Variants in UVRAG observed in about 807,000 individuals in gnomAD.
UVRAG encodes UV radiation resistance-associated gene protein.
Under a neutral mutation model 78.0 loss-of-function variants are expected in UVRAG, and 19 were observed. The ratio of observed to expected loss-of-function variants is 0.24; its 90% CI spans 0.17 to 0.36. UVRAG has a LOEUF of 0.36. Ranked by LOEUF, UVRAG falls within the 10% of genes least tolerant of loss-of-function variation. UVRAG has a pLI of 1.00. For missense variants in UVRAG, 740 were observed against 853.8 expected (o/e 0.87, Z 1.66); for synonymous variants, 323 against 324.6 (o/e 1.00, Z 0.05).
At chr11:76,110,369 A>G (rs897604079) in intron 13 of UVRAG, among the ~76,000 whole-genome samples, 2 of 152,152 alleles carry the variant, frequency 1.3e-5, no homozygotes, top group African/African-American at 4.8e-5. Flanking sequence ...TTTTACAAGT[A>G]AGGAAATGGA....
At chr11:75,858,314 T>C (rs1412890186) in intron 2 of UVRAG, among the ~76,000 whole-genome samples, 1 of 152,188 alleles carries the variant, frequency 6.6e-6, no homozygotes, top group African/African-American at 2.4e-5. Flanking sequence ...CAAGTACAAA[T>C]ACAAATATTC....
Position 76,136,635 on chromosome 11 carries a change from C to CCACCA in UVRAG, c.1398-4076_1398-4075insCACCA, listed in dbSNP as rs1182753540. ...CCACCTCAGCCCACAGTTGCTGGGA[C>CCACCA]TACAAGCGCTCACCACCATACCCAG... is the stretch of plus-strand genomic sequence containing the variant. On this transcript the variant is annotated intron_variant, in intron 14 of 14. Coordinates refer to ENST00000356136, the MANE Select transcript of UVRAG (RefSeq NM_003369.4). 4.1e-3 allele frequency among the ~76,000 whole-genome samples: 628 copies of CCACCA among 151,708 alleles called. 3 individuals carry two copies. Among genetic ancestry groups the CCACCA allele is most frequent in the African/African-American group, 0.014 (598 of 41,380 alleles).
At chr11:76,017,399 A>G (rs925311514) in intron 12 of UVRAG, among the ~76,000 whole-genome samples, 9 of 152,182 alleles carry the variant, frequency 5.9e-5, no homozygotes, top group Non-Finnish European at 1.2e-4. Context: ...GAATTGGAAG[A>G]TAGGTCAGCA....
chr11:76,076,313 A>G lies in UVRAG; in HGVS notation c.1305+10525A>G, dbSNP rs748943763. On this transcript the variant is annotated intron_variant, in intron 13 of 14. Transcript: ENST00000356136. ...AGAGGCTTAATGGACTCACAGATCC[A>G]CATGACTAGGGAGGCCTCACGATCA... Among the ~76,000 whole-genome samples the G allele has an allele frequency of 3.5e-4, 53 of 152,238 alleles. 1 individual carries two copies. Among genetic ancestry groups the G allele is most frequent in the Non-Finnish European group, 2.5e-4 (17 of 68,036 alleles).
intron 12 of UVRAG, among the ~76,000 whole-genome samples, chr11:76,031,139 GGCC>G (rs1950430869): frequency 6.6e-6 from 1 of 152,142 alleles, no homozygotes; most frequent in African/African-American, 2.4e-5. Context: ...TGGATGCTCT[GGCC>G]AGGACAATCA....
chr11:76,096,614 G>A (rs966666984), intron 13 of UVRAG, among the ~76,000 whole-genome samples: 2 of 152,176 alleles, frequency 1.3e-5, no homozygotes, highest in African/African-American at 4.8e-5. Context: ...CAAGGATGCT[G>A]TAGAAAAGGA....
At chr11:75,974,391 G>T (rs1197461858) in intron 7 of UVRAG, among the ~76,000 whole-genome samples, 1 of 118,186 alleles carries the variant, frequency 8.5e-6, no homozygotes, top group African/African-American at 3.4e-5. Flanking sequence ...ACGGAGTCTC[G>T]CTCTGTCGCC....
chr11:75,908,712 CTTTTTTTTTTTTTTT>C (rs1024795820), intron 5 of UVRAG, among the ~76,000 whole-genome samples: 1 of 45,444 alleles, frequency 2.2e-5, no homozygotes, highest in Non-Finnish European at 4.5e-5. Context: ...TGGTTCTGGG[CTTTTTTTTTTTTTTT>C]TTTTTTTTTT....
intron 13 of UVRAG, among the ~76,000 whole-genome samples, chr11:76,105,162 G>C (rs962761463): frequency 5.3e-5 from 8 of 152,174 alleles, no homozygotes; most frequent in Non-Finnish European, 1.2e-4. Flanking sequence ...CTGTGGGAGG[G>C]CCAGTAGAGA....
chr11:75,831,507 A>AAACAAACAAAC (rs59160547), intron 1 of UVRAG, among the ~76,000 whole-genome samples: 15 of 150,070 alleles, frequency 1.0e-4, no homozygotes, highest in African/African-American at 2.3e-4. Flanking sequence ...AACAAACAAA[A>AAACAAACAAAC]AAAAAAAACA....
intron 6 of UVRAG, chr11:75,914,159 C>G (rs1406056338): frequency 2.0e-5 from 3 of 152,172 alleles, no homozygotes; most frequent in Non-Finnish European, 2.9e-5. Flanking sequence ...TGATAGTTCT[C>G]TCAGACATTA....
chr11:76,084,378 A>G (rs1951547957), intron 13 of UVRAG, among the ~76,000 whole-genome samples: 2 of 152,224 alleles, frequency 1.3e-5, no homozygotes, highest in South Asian at 2.1e-4. Context: ...CGCTTTTATT[A>G]ATGGTCTAAG....
At chr11:75,844,086 A>G (rs147278326) in intron 1 of UVRAG, among the ~76,000 whole-genome samples, 3 of 152,284 alleles carry the variant, frequency 2.0e-5, no homozygotes, top group African/African-American at 7.2e-5. Flanking sequence ...GAATTGTGTG[A>G]ACATCCCTGA....
intron 12 of UVRAG, among the ~76,000 whole-genome samples, chr11:76,056,668 T>G (rs1228500781): frequency 1.3e-5 from 2 of 152,246 alleles, no homozygotes; most frequent in East Asian, 1.9e-4. Context: ...ACCTATAAAC[T>G]GGAGATAAAA....
chr11:75,921,098 C>T (rs1947971158), intron 6 of UVRAG, among the ~76,000 whole-genome samples: 1 of 152,088 alleles, frequency 6.6e-6, no homozygotes, highest in African/African-American at 2.4e-5. Flanking sequence ...ATTACATTCC[C>T]AGCAGTGGGA....
In UVRAG at chr11:75,850,733, G is replaced by A. The variant is rs530575978; in HGVS notation, c.118-1150G>A. ...GAGAAAATTGTTGCTGTAATCCAGG[G>A]TGTGAAATGGAAACCATTGGCAGAT... On this transcript the variant is annotated intron_variant, in intron 1 of 14. Transcript: ENST00000356136. Among the ~76,000 whole-genome samples, 9 of 152,334 alleles carry A rather than the reference G, an allele frequency of 5.9e-5. No individual in the cohort carries two copies. In the East Asian group the frequency reaches 1.7e-3, roughly 29 times the overall value.
At chr11:75,818,839 A>C (rs1945322759) in intron 1 of UVRAG, among the ~76,000 whole-genome samples, 1 of 152,172 alleles carries the variant, frequency 6.6e-6, no homozygotes, top group African/African-American at 2.4e-5. Flanking sequence ...TGATCAAGTT[A>C]TCTCAAAACA....
intron 14 of UVRAG, among the ~76,000 whole-genome samples, chr11:76,127,154 A>G (rs973480534): frequency 6.6e-6 from 1 of 152,216 alleles, no homozygotes; most frequent in African/African-American, 2.4e-5. Flanking sequence ...CTTATTTTAT[A>G]CATCTCTTTA....
intron 13 of UVRAG, among the ~76,000 whole-genome samples, chr11:76,079,784 A>T (rs1183436955): frequency 6.6e-6 from 1 of 152,230 alleles, no homozygotes; most frequent in South Asian, 2.1e-4. Flanking sequence ...GAACTCTAGC[A>T]TAAGGAAATA....
Sources: allele counts gnomAD v4.1 joint callset (sites outside exome capture counted in the v4.1 genomes callset), GRCh38; gene constraint gnomAD v4.1.1; transcripts MANE v1.5; gene names NCBI Gene and HGNC (gene_info 2026-07-23, HGNC 2026-07-21).